The following DNAH14 variants were observed in gnomAD, a reference collection of about 807,000 sequenced individuals.
DNAH14 encodes the protein dynein axonemal heavy chain 14, also known as axonemal beta dynein heavy chain 14.
Under a neutral mutation model 520.9 loss-of-function variants are expected in DNAH14, and 478 were observed. That is an observed-to-expected ratio of 0.92 (90% confidence interval 0.85 to 0.99). DNAH14 has a LOEUF of 0.99. DNAH14 is among the 50% of genes least tolerant of loss of function. DNAH14 has a pLI of 0.00. For missense variants in DNAH14, 4,831 were observed against 5,234.5 expected (o/e 0.92, Z 2.38); for synonymous variants, 1,581 against 1,757.2 (o/e 0.90, Z 2.51).
chr1:225,109,796 T>C (rs1421848421), intron 23 of DNAH14, among the ~76,000 whole-genome samples: 3 of 152,148 alleles, frequency 2.0e-5, no homozygotes, highest in Non-Finnish European at 4.4e-5. Flanking sequence ...TTCCAGATCT[T>C]AGAGGAAAGG....
intron 55 of DNAH14, among the ~76,000 whole-genome samples, chr1:225,293,611 A>G (rs1185383262): frequency 1.3e-5 from 2 of 152,184 alleles, no homozygotes; most frequent in African/African-American, 4.8e-5. Flanking sequence ...TGGGAGTTAA[A>G]TGATGAGAAC....
intron 23 of DNAH14, among the ~76,000 whole-genome samples, chr1:225,109,418 A>G (rs1459789554): frequency 6.6e-6 from 1 of 152,046 alleles, no homozygotes; most frequent in Non-Finnish European, 1.5e-5. Context: ...TTTTTATTAT[A>G]GAGATCTTTC....
intron 19 of DNAH14, among the ~76,000 whole-genome samples, chr1:225,080,953 T>C (rs2073048159): frequency 6.6e-6 from 1 of 152,166 alleles, no homozygotes; most frequent in African/African-American, 2.4e-5. Context: ...GTTAAGAAAT[T>C]AACAATTTTT....
At chr1:225,097,013 A>T in intron 21 of DNAH14, 105 bp from the exon 22 acceptor site, 1 of 925,002 alleles carries the variant, frequency 1.1e-6, no homozygotes, top group Non-Finnish European at 1.5e-6. Flanking sequence ...TATTTTCTGT[A>T]TGTCAATGAC....
At chr1:225,216,904 C>A (rs1431747800) in intron 41 of DNAH14, among the ~76,000 whole-genome samples, 1 of 152,222 alleles carries the variant, frequency 6.6e-6, no homozygotes, top group Non-Finnish European at 1.5e-5. Flanking sequence ...TCTATCAACT[C>A]ATCAAAGTCA....
chr1:225,353,614 CTT>C (rs1362025762), intron 72 of DNAH14, among the ~76,000 whole-genome samples, 187 bp from the exon 73 acceptor site: 1 of 151,948 alleles, frequency 6.6e-6, no homozygotes, highest in African/African-American at 2.4e-5. Context: ...ACATCTCCCT[CTT>C]TTGAGGTGTG....
At position 225,392,305 on chromosome 1, in the gene DNAH14, G is replaced by C; in HGVS notation, c.13345G>C (p.Val4449Leu). ...FFFPQAFLAA[V>L]LQDYGRSRGI... ...CTTCTCCAAAGCCTTTCTTGCTGCT[G>C]TGCTTCAAGACTATGGGAGGTCCCG... Residue 4449 changes from valine to leucine, a missense_variant, in exon 84 of 86, where the codon GTG becomes CTG. Val to Leu is a conservative substitution (Grantham distance 32). Transcript: ENST00000682510. 6.4e-7 allele frequency: 1 copy of C among 1,552,416 alleles called. No homozygotes were observed. The highest frequency in any genetic ancestry group is 8.7e-7 in the Non-Finnish European group (1 of 1,147,136).
At chr1:224,961,526 C>G (rs763390297) in intron 4 of DNAH14, among the ~76,000 whole-genome samples, 1 of 152,058 alleles carries the variant, frequency 6.6e-6, no homozygotes, top group Non-Finnish European at 1.5e-5. Context: ...AAGCAGGCAC[C>G]TTCTTCACAG....
intron 8 of DNAH14, among the ~76,000 whole-genome samples, chr1:224,982,527 G>A (rs575970584): frequency 3.3e-5 from 5 of 152,252 alleles, no homozygotes; most frequent in African/African-American, 4.8e-5. Flanking sequence ...TCCTTGAGGC[G>A]TGACCTTAGA....
intron 2 of DNAH14, among the ~76,000 whole-genome samples, chr1:224,954,310 T>G (rs2060367989): frequency 6.6e-6 from 1 of 152,146 alleles, no homozygotes; most frequent in Admixed American, 6.5e-5. Flanking sequence ...CTTAATGATA[T>G]AAGTATTTTT....
chr1:225,358,519 T>G lies in DNAH14; in HGVS notation c.11643T>G (p.Ser3881Arg). Reference protein sequence around the residue: ...LILVKVLRPESLNNSVRKFIT... With the variant: ...LILVKVLRPERLNNSVRKFIT... ...AGGTAAAAGTTCTTAGACCAGAAAG[T>G]TTAAACAATTCAGTGAGAAAGTTTA... Residue 3881 changes from serine to arginine, a missense_variant, in exon 74 of 86, where the codon AGT (serine) becomes AGG (arginine). Physicochemically the swap from Ser to Arg is moderately radical, Grantham distance 110. Coordinates refer to ENST00000682510, the MANE Select transcript of DNAH14 (RefSeq NM_001367479.1). 6.5e-7 allele frequency: 1 copy of G among 1,535,674 alleles called. No individual in the cohort carries two copies.
chr1:225,085,607 G>C lies in DNAH14; in HGVS notation c.3391G>C (p.Glu1131Gln), dbSNP rs2073669467. The change falls in exon 21 of 86, where the codon GAA (glutamate) becomes CAA (glutamine). Residue 1131 changes from glutamate (E) to glutamine (Q), a missense_variant. Glu to Gln is a conservative substitution (Grantham distance 29, BLOSUM62 2). Coordinates refer to ENST00000682510, the MANE Select transcript of DNAH14 (RefSeq NM_001367479.1). ...STSATNEAAL[E>Q]KMLFKIIDFW... ...CTCAGCAACTAATGAAGCTGCTCTT[G>C]AAAAAATGCTATTTAAGATTATTGA... 1 of 1,550,762 alleles carries C rather than the reference G, an allele frequency of 6.4e-7. No homozygotes were observed. Among genetic ancestry groups the C allele is most frequent in the African/African-American group, 1.4e-5 (1 of 72,984 alleles).
chr1:225,002,940 A>G lies in DNAH14; in HGVS notation c.975+13A>G, dbSNP rs571018118. On this transcript the variant is annotated intron_variant, in intron 9 of 85. Coordinates refer to ENST00000682510, the MANE Select transcript of DNAH14 (RefSeq NM_001367479.1). ...ATGCCTTGTAAAGGTGAGTAGAAGT[A>G]TACTACTATAAGCTAATATTGGTAT... is the stretch of plus-strand genomic sequence containing the variant. 6.6e-7 allele frequency: 1 copy of G among 1,524,436 alleles called. No homozygotes were observed. The highest frequency in any genetic ancestry group is 1.2e-5 in the South Asian group (1 of 80,378). The allele number at this position is 1,524,436 out of a possible 1,614,324, so 94.4% of individuals were successfully genotyped here.
chr1:225,089,418 T>C (rs1419272937), intron 21 of DNAH14, among the ~76,000 whole-genome samples: 1 of 102,858 alleles, frequency 9.7e-6, no homozygotes, highest in Non-Finnish European at 1.8e-5. Context: ...CACTCCAGCC[T>C]GGGCAACAAG....
chr1:225,071,261 G>A (rs999784436), intron 17 of DNAH14, among the ~76,000 whole-genome samples: 2 of 152,130 alleles, frequency 1.3e-5, no homozygotes, highest in African/African-American at 2.4e-5. Context: ...TGTTAATGTG[G>A]TTGCCATATA....
chr1:225,171,227 A>G (rs1047433346), intron 36 of DNAH14, among the ~76,000 whole-genome samples: 1 of 152,198 alleles, frequency 6.6e-6, no homozygotes, highest in African/African-American at 2.4e-5. Flanking sequence ...AGCAAGAGCA[A>G]TCACATTCAA....
chr1:225,198,900 G>T (rs4653615), intron 38 of DNAH14, among the ~76,000 whole-genome samples: 47,896 of 151,932 alleles, frequency 0.32, 8,728 homozygotes, highest in East Asian at 0.61. Flanking sequence ...TGTGGAATAG[G>T]GTAATAAGAT....
intron 36 of DNAH14, among the ~76,000 whole-genome samples, chr1:225,175,916 C>T (rs547586433): frequency 1.3e-4 from 20 of 151,598 alleles, no homozygotes; most frequent in Admixed American, 3.3e-4. Flanking sequence ...CCACCATGCC[C>T]GGCTAATTTT....
At chr1:225,231,921 A>T (rs1036892340) in intron 42 of DNAH14, among the ~76,000 whole-genome samples, 2 of 152,188 alleles carry the variant, frequency 1.3e-5, no homozygotes, top group Non-Finnish European at 2.9e-5. Flanking sequence ...TAAAATATGT[A>T]TAAGATATAA....
Sources: allele counts gnomAD v4.1 joint callset (sites outside exome capture counted in the v4.1 genomes callset), GRCh38; gene constraint gnomAD v4.1.1; transcripts MANE v1.5; gene names NCBI Gene and HGNC (gene_info 2026-07-23, HGNC 2026-07-21).